Variants in MAN1C1 observed in about 807,000 individuals in gnomAD.
The protein encoded by MAN1C1 is mannosyl-oligosaccharide 1,2-alpha-mannosidase IC.
A neutral mutation model predicts 71.5 loss-of-function variants in MAN1C1; 49 were observed. The observed-to-expected ratio is 0.69, with a 90% confidence interval of 0.54 to 0.87. The LOEUF is 0.87. Ranked by LOEUF, MAN1C1 falls within the 40% of genes least tolerant of loss-of-function variation. The pLI is 0.00. For missense variants in MAN1C1, 743 were observed against 835.0 expected (o/e 0.89, Z 1.36); for synonymous variants, 352 against 343.7 (o/e 1.02, Z -0.27).
At chr1:25,747,712 G>T (rs2047149923) in intron 3 of MAN1C1, among the ~76,000 whole-genome samples, 1 of 152,208 alleles carries the variant, frequency 6.6e-6, no homozygotes, top group South Asian at 2.1e-4. Context: ...CTTCCCTGGA[G>T]ACAGAGACCT....
Position 25,711,672 on chromosome 1 carries a change from C to A in MAN1C1, c.637+25136C>A, listed in dbSNP as rs1448260495. ...CGCCCCTCCTCCCTGCGGCCCCGCC[C>A]CTCCCCTGCGTGCTGCAAGCCTGCC... On this transcript the variant is annotated intron_variant, in intron 2 of 11. Coordinates refer to ENST00000374332, the MANE Select transcript of MAN1C1 (RefSeq NM_020379.4). This position sits in a 1 kb window ranked among gnomAD's most constrained non-coding sequence, Gnocchi z 4.3. Among the ~76,000 whole-genome samples the A allele has an allele frequency of 6.6e-6, 1 of 151,382 alleles. No individual in the cohort carries two copies. Among genetic ancestry groups the A allele is most frequent in the Non-Finnish European group, 1.5e-5 (1 of 67,854 alleles).
Position 25,782,684 on chromosome 1 carries a change from CT to C in MAN1C1, c.1751del (p.Leu584GlnfsTer5). On this transcript the variant is annotated frameshift_variant, in exon 11 of 12. Transcript: ENST00000374332. LOFTEE classifies it high-confidence loss of function. The surrounding 1 kb of genome is among the most constrained non-coding windows in gnomAD (Gnocchi z 4.4). ...NHDNKQQSFF[L>X]AETLKYLYLL... ...CGACAACAAGCAGCAGAGCTTCTTT[CT>C]AGCGGAGACACTAAAGTGAGCAGTG... 2 of 1,613,798 alleles carry C rather than the reference CT, an allele frequency of 1.2e-6. No homozygotes were observed. Among genetic ancestry groups the C allele is most frequent in the Non-Finnish European group, 1.7e-6 (2 of 1,179,714 alleles).
At chr1:25,640,722 G>A (rs1194511824) in intron 1 of MAN1C1, among the ~76,000 whole-genome samples, 1 of 152,146 alleles carries the variant, frequency 6.6e-6, no homozygotes, top group Non-Finnish European at 1.5e-5. Flanking sequence ...GCATTTTTGT[G>A]TGTATAATTA....
Position 25,778,184 on chromosome 1 carries a change from A to C in MAN1C1, c.1337A>C (p.His446Pro). ...IAEWRGGILD[H>P]KMGHLACFSG... ...GAGTGGCGAGGGGGGATTCTGGACCACAAGATGGGGCACCTGGCCTGTTTC... is the reference window on the plus strand; with the variant it reads ...GAGTGGCGAGGGGGGATTCTGGACCCCAAGATGGGGCACCTGGCCTGTTTC... The change falls in exon 9 of 12, where the codon CAC becomes CCC. Residue 446 changes from histidine to proline, a missense_variant. Physicochemically the swap from His to Pro is moderately conservative, Grantham distance 77. Transcript: ENST00000374332. The surrounding 1 kb of genome is among the most constrained non-coding windows in gnomAD (Gnocchi z 5.5). 1 of 1,612,656 alleles carries C rather than the reference A, an allele frequency of 6.2e-7. No homozygotes were observed. The highest frequency in any genetic ancestry group is 1.7e-5 in the Admixed American group (1 of 59,768).
At chr1:25,653,041 T>C (rs1394879066) in intron 1 of MAN1C1, among the ~76,000 whole-genome samples, 1 of 152,018 alleles carries the variant, frequency 6.6e-6, no homozygotes, top group Non-Finnish European at 1.5e-5. Context: ...GCTGGGATTA[T>C]CAGTATGAGC....
chr1:25,749,655 G>T (rs1420389474), intron 4 of MAN1C1, among the ~76,000 whole-genome samples: 1 of 152,204 alleles, frequency 6.6e-6, no homozygotes, highest in African/African-American at 2.4e-5. Flanking sequence ...CCATTCTGCT[G>T]CCCAGGTGAG....
intron 1 of MAN1C1, among the ~76,000 whole-genome samples, chr1:25,665,724 C>T (rs1369053492): frequency 6.6e-6 from 1 of 152,084 alleles, no homozygotes; most frequent in Non-Finnish European, 1.5e-5. Flanking sequence ...CAGGTTATTT[C>T]CATCATCCTG....
At chr1:25,661,833 A>G (rs143968586) in intron 1 of MAN1C1, among the ~76,000 whole-genome samples, 337 of 152,346 alleles carry the variant, frequency 2.2e-3, no homozygotes, top group African/African-American at 5.6e-3. Context: ...ATATCACAGG[A>G]TAGCCTGCTC....
intron 2 of MAN1C1, among the ~76,000 whole-genome samples, chr1:25,717,986 C>G (rs897528353): frequency 2.8e-4 from 42 of 147,856 alleles, no homozygotes; most frequent in Middle Eastern, 3.4e-3. Flanking sequence ...TGATATCACA[C>G]TATAGCTTTA....
intron 5 of MAN1C1, among the ~76,000 whole-genome samples, chr1:25,757,631 G>A (rs931326760): frequency 2.0e-5 from 3 of 152,182 alleles, no homozygotes; most frequent in Non-Finnish European, 2.9e-5. Flanking sequence ...TGTGTCTTAC[G>A]GATGCAGGCA....
intron 1 of MAN1C1, among the ~76,000 whole-genome samples, chr1:25,663,939 G>T (rs142195322): frequency 1.4e-3 from 215 of 152,334 alleles, no homozygotes; most frequent in African/African-American, 4.9e-3. Flanking sequence ...AATTGGGCCT[G>T]TCTCACAAAA....
At chr1:25,690,482 G>A (rs1004700085) in intron 2 of MAN1C1, among the ~76,000 whole-genome samples, 17 of 152,096 alleles carry the variant, frequency 1.1e-4, no homozygotes, top group African/African-American at 3.9e-4. Flanking sequence ...CAGTAGAGAC[G>A]GGGTTTCACC....
chr1:25,729,447 A>G (rs990197148), intron 2 of MAN1C1, among the ~76,000 whole-genome samples: 2 of 151,784 alleles, frequency 1.3e-5, no homozygotes. Context: ...TCCCAAGCCT[A>G]CAAGGCAGGC....
Position 25,690,288 on chromosome 1 carries a change from CT to C in MAN1C1, c.637+3774del, listed in dbSNP as rs33932251. ...CTCAGGCTAAGGCTGATCTCTGCCT[CT>C]TTTTTTTTTTTTTTTTTTTTTGAGA... On this transcript the variant is annotated intron_variant, in intron 2 of 11. Coordinates refer to ENST00000374332, the MANE Select transcript of MAN1C1 (RefSeq NM_020379.4). Among the ~76,000 whole-genome samples, 1,044 of 119,744 alleles carry C rather than the reference CT, an allele frequency of 8.7e-3. 9 individuals carry two copies. The highest frequency in any genetic ancestry group is 0.031 in the African/African-American group (857 of 27,478). The allele number at this position is 119,744 out of a possible 152,430, so 78.6% of individuals were successfully genotyped here.
chr1:25,684,090 G>A (rs949507915), intron 1 of MAN1C1, among the ~76,000 whole-genome samples: 5 of 152,058 alleles, frequency 3.3e-5, no homozygotes, highest in Non-Finnish European at 7.4e-5. Context: ...CTCTAGGTAG[G>A]GGGAATTTTC....
At chr1:25,679,558 T>TA (rs35048799) in intron 1 of MAN1C1, among the ~76,000 whole-genome samples, 1,591 of 135,148 alleles carry the variant, frequency 0.012, 35 homozygotes, top group East Asian at 0.11. Context: ...CTAAATGAGT[T>TA]AAAAAAAAAA....
chr1:25,753,438 C>A lies in MAN1C1; in HGVS notation c.835-46C>A. The A allele has an allele frequency of 6.7e-7, 1 of 1,496,448 alleles. No individual in the cohort carries two copies. The highest frequency in any genetic ancestry group is 2.3e-5 in the East Asian group (1 of 43,088). 92.7% of individuals were successfully genotyped at this position (1,496,448 alleles called of 1,614,324 possible). On this transcript the variant is annotated intron_variant, in intron 4 of 11. Transcript: ENST00000374332. The surrounding 1 kb of genome is among the most constrained non-coding windows in gnomAD (Gnocchi z 4.9). ...GCAGCAGTTCTGGGGTTGACCTTCCCTCACCCAGCCTGGAGTCAAAAGCCC... is the reference window on the plus strand; with the variant it reads ...GCAGCAGTTCTGGGGTTGACCTTCCATCACCCAGCCTGGAGTCAAAAGCCC...
At chr1:25,695,605 CCACTCACCGCTCCA>C (rs1315280099) in intron 2 of MAN1C1, among the ~76,000 whole-genome samples, 2 of 151,440 alleles carry the variant, frequency 1.3e-5, no homozygotes, top group Non-Finnish European at 2.9e-5. Context: ...CGCCGACCGA[CCACTCACCGCTCCA>C]CACTCTGCGC....
intron 8 of MAN1C1, 138 bp downstream of exon 8, chr1:25,771,910 G>T: frequency 1.5e-6 from 1 of 658,904 alleles, no homozygotes. Flanking sequence ...CCGGTGAGAA[G>T]ATTGACAGGA....
Sources: gnomAD v4.1 joint callset for allele counts (sites outside exome capture counted in the v4.1 genomes callset) on GRCh38, gnomAD v4.1.1 for gene constraint, Gnocchi (gnomAD v3.1) non-coding constraint, MANE v1.5 for transcripts, NCBI Gene and HGNC (gene_info 2026-07-23, HGNC 2026-07-21) for gene names.